The following MAPKAP1 variants were observed in gnomAD, a reference collection of about 807,000 sequenced individuals.
MAPKAP1 encodes target of rapamycin complex 2 subunit MAPKAP1.
Under a neutral mutation model 65.7 loss-of-function variants are expected in MAPKAP1, and 20 were observed. The ratio of observed to expected loss-of-function variants is 0.30; its 90% CI spans 0.21 to 0.44. MAPKAP1 has a LOEUF of 0.44. MAPKAP1 is among the 20% of genes least tolerant of loss of function. The probability of loss-of-function intolerance (pLI) is 1.00; values close to 1 mark genes in which losing one functional copy is unlikely to be tolerated. For missense variants in MAPKAP1, 423 were observed against 648.0 expected, an observed-to-expected ratio of 0.65 and a Z score of 3.77; for synonymous variants, 222 against 244.3, an observed-to-expected ratio of 0.91 and a Z score of 0.85.
intron 4 of MAPKAP1, among the ~76,000 whole-genome samples, chr9:125,601,859 A>T (rs1832308569): frequency 1.3e-5 from 2 of 152,244 alleles, no homozygotes; most frequent in Non-Finnish European, 1.5e-5. Context: ...CTGGTGACAG[A>T]GAAGGATGCT....
chr9:125,495,434 C>T (rs1336184234), intron 8 of MAPKAP1, among the ~76,000 whole-genome samples: 1 of 152,180 alleles, frequency 6.6e-6, no homozygotes, highest in Non-Finnish European at 1.5e-5. Flanking sequence ...ATCAAACATG[C>T]TTCCTTACTG....
At chr9:125,516,679 T>C (rs897075677) in intron 7 of MAPKAP1, among the ~76,000 whole-genome samples, 3 of 152,164 alleles carry the variant, frequency 2.0e-5, no homozygotes, top group East Asian at 1.9e-4. Flanking sequence ...TGTGTGGCAG[T>C]TGGAGTGTGG....
At chr9:125,615,538 C>CAAAAAAAAAAAAA (rs58426049) in intron 4 of MAPKAP1, among the ~76,000 whole-genome samples, 2 of 110,756 alleles carry the variant, frequency 1.8e-5, no homozygotes, top group African/African-American at 7.8e-5. Context: ...ACTAAAAATA[C>CAAAAAAAAAAAAA]AAAAAAAAAA....
intron 4 of MAPKAP1, among the ~76,000 whole-genome samples, chr9:125,602,937 C>T (rs559547653): frequency 7.2e-5 from 11 of 152,258 alleles, no homozygotes; most frequent in South Asian, 6.2e-4. Flanking sequence ...CTCTTTTGTC[C>T]AGGCTGGAGT....
intron 4 of MAPKAP1, among the ~76,000 whole-genome samples, chr9:125,610,092 G>C (rs1832554854): frequency 6.6e-6 from 1 of 152,094 alleles, no homozygotes; most frequent in African/African-American, 2.4e-5. Flanking sequence ...AAGCTTTTTT[G>C]GAGGGAAAGT....
chr9:125,612,164 A>G lies in MAPKAP1; in HGVS notation c.499-26437T>C, dbSNP rs1356798811. On this transcript the variant is annotated intron_variant, in intron 4 of 11. Transcript: ENST00000265960. ...TACATGAGTTACTTATAAGCGCTCA[A>G]AAAGTTTTAGATTTTGGAGCATTTT... Among the ~76,000 whole-genome samples, 5 of 152,316 alleles carry G rather than the reference A, an allele frequency of 3.3e-5. No homozygotes were observed. The East Asian group carries it at 7.7e-4, about 23-fold the overall frequency.
chr9:125,597,480 T>A (rs372361728), intron 4 of MAPKAP1, among the ~76,000 whole-genome samples: 5 of 152,124 alleles, frequency 3.3e-5, no homozygotes, highest in African/African-American at 1.2e-4. Flanking sequence ...TCAAGTGAGT[T>A]AGCTGAATTA....
intron 9 of MAPKAP1, among the ~76,000 whole-genome samples, chr9:125,478,615 C>T (rs1344216236): frequency 6.6e-6 from 1 of 152,180 alleles, no homozygotes; most frequent in East Asian, 1.9e-4. Flanking sequence ...CAGATCTGAG[C>T]CATCCTGCCC....
intron 1 of MAPKAP1, among the ~76,000 whole-genome samples, chr9:125,683,467 T>C (rs1293107208): frequency 3.3e-5 from 5 of 152,172 alleles, no homozygotes; most frequent in South Asian, 4.1e-4. Context: ...CAAACAGCTA[T>C]GTTATGGAAC....
chr9:125,528,787 C>T (rs897357984), intron 7 of MAPKAP1, among the ~76,000 whole-genome samples: 3 of 124,778 alleles, frequency 2.4e-5, no homozygotes, highest in Non-Finnish European at 4.8e-5. Context: ...GCGGAGGTTG[C>T]GGTGAGCTGA....
rs559362872 is a variant in MAPKAP1 at position 125,444,339 on chromosome 9, C to T, written c.1443+162G>A. Among the ~76,000 whole-genome samples the T allele has an allele frequency of 2.6e-5, 4 of 152,348 alleles. No homozygotes were observed. In the East Asian group the frequency reaches 7.7e-4, roughly 29 times the overall value. ...GGTGTGGCCCTGGCACAGGCACTCA[C>T]CCCTGGGTGGCTGGCAAGCTGCGAC... On this transcript the variant is annotated intron_variant, in intron 11 of 11. Coordinates refer to ENST00000265960, the MANE Select transcript of MAPKAP1 (RefSeq NM_001006617.3).
intron 4 of MAPKAP1, among the ~76,000 whole-genome samples, chr9:125,627,615 A>G (rs1229062836): frequency 6.6e-6 from 1 of 152,130 alleles, no homozygotes; most frequent in Non-Finnish European, 1.5e-5. Context: ...TTTAAGAGAC[A>G]GTATCTCACT....
At chr9:125,512,592 T>TATACATA (rs1829333834) in intron 7 of MAPKAP1, among the ~76,000 whole-genome samples, 1 of 152,076 alleles carries the variant, frequency 6.6e-6, no homozygotes, top group African/African-American at 2.4e-5. Context: ...TTTTTTTTTG[T>TATACATA]TTCTTTTGAG....
At chr9:125,463,716 C>T (rs190036498) in intron 10 of MAPKAP1, among the ~76,000 whole-genome samples, 1 of 152,286 alleles carries the variant, frequency 6.6e-6, no homozygotes, top group East Asian at 1.9e-4. Context: ...ATCAGATTTC[C>T]TTTGAATTAT....
chr9:125,582,143 C>A (rs578200999), intron 5 of MAPKAP1, among the ~76,000 whole-genome samples: 4 of 152,214 alleles, frequency 2.6e-5, no homozygotes, highest in African/African-American at 9.6e-5. Flanking sequence ...AGAGTTTATC[C>A]CAAAGTATTT....
rs572428936 is a variant in MAPKAP1, at chr9:125,707,089, G to A, written c.-188C>T. On this transcript the variant is annotated 5_prime_UTR_variant, in exon 1 of 12. Transcript: ENST00000265960. ...GAGCTCTGCACTCTCGGGATCCACG[G>A]GGACCGGCGCTCCTCCCGGCCCGCT... is the stretch of plus-strand genomic sequence containing the variant. 77 of 398,172 alleles carry A rather than the reference G, an allele frequency of 1.9e-4. No individual in the cohort carries two copies. The highest frequency in any genetic ancestry group is 1.5e-3 in the African/African-American group (73 of 48,746). 24.7% of individuals were successfully genotyped at this position (398,172 alleles called of 1,614,324 possible). A position where few individuals can be genotyped will look rare whatever the true frequency, so the allele number is the denominator to read the frequency against.
intron 7 of MAPKAP1, among the ~76,000 whole-genome samples, chr9:125,508,310 G>A (rs954311872): frequency 3.9e-5 from 6 of 152,192 alleles, no homozygotes; most frequent in African/African-American, 7.2e-5. Flanking sequence ...ATGCTGGCAC[G>A]TAATACTGGG....
intron 5 of MAPKAP1, among the ~76,000 whole-genome samples, chr9:125,566,882 C>G (rs761318377): frequency 6.6e-6 from 1 of 152,202 alleles, no homozygotes; most frequent in Non-Finnish European, 1.5e-5. Flanking sequence ...ATACAAGTGA[C>G]TACTTGAACA....
chr9:125,573,843 C>T (rs1831313197), intron 5 of MAPKAP1, among the ~76,000 whole-genome samples: 1 of 152,224 alleles, frequency 6.6e-6, no homozygotes, highest in South Asian at 2.1e-4. Context: ...GACTTCCAGG[C>T]AAAGCTCTCA....
Sources: allele counts gnomAD v4.1 joint callset (sites outside exome capture counted in the v4.1 genomes callset), GRCh38; gene constraint gnomAD v4.1.1; transcripts MANE v1.5; gene names NCBI Gene and HGNC (gene_info 2026-07-23, HGNC 2026-07-21).